The following TRIM2 variants were observed in gnomAD, a reference collection of about 807,000 sequenced individuals.
TRIM2 encodes tripartite motif-containing protein 2.
A neutral mutation model predicts 75.2 loss-of-function variants in TRIM2; 20 were observed. The ratio of observed to expected loss-of-function variants is 0.27; its 90% confidence interval spans 0.19 to 0.39. TRIM2 has a LOEUF of 0.39. TRIM2 is among the 10% of genes least tolerant of loss of function. The pLI is 1.00. For synonymous variants in TRIM2, 373 were observed against 388.3 expected, an observed-to-expected ratio of 0.96 and a Z score of 0.46; for missense variants, 660 against 990.8, an observed-to-expected ratio of 0.67 and a Z score of 4.48.
chr4:153,178,210 C>G (rs1406098580), intron 1 of TRIM2, among the ~76,000 whole-genome samples: 2 of 151,990 alleles, frequency 1.3e-5, no homozygotes, highest in Non-Finnish European at 2.9e-5. Context: ...TCAGGCTGGC[C>G]CTGTCTCGTA....
At chr4:153,307,841 C>G (rs1007282192) in intron 6 of TRIM2, 1 of 733,274 alleles carries the variant, frequency 1.4e-6, no homozygotes, top group African/African-American at 1.7e-5. Context: ...TATACTTTCT[C>G]TTGAATTCAG....
At chr4:153,206,591 C>T (rs1735501231) in intron 1 of TRIM2, among the ~76,000 whole-genome samples, 3 of 152,158 alleles carry the variant, frequency 2.0e-5, no homozygotes. Flanking sequence ...AGACCCGCTC[C>T]TTTGGGTTTT....
chr4:153,326,854 G>A lies in TRIM2; in HGVS notation c.2023-1676G>A, dbSNP rs149876908. The stretch of plus-strand genomic sequence containing the variant: ...AAATTAGCCGGGCGTGGTGGTGGGC[G>A]CCTGTAACCCCAGGCCCTCAGGAGG... On this transcript the variant is annotated intron_variant, in intron 10 of 11. Transcript: ENST00000338700. Among the ~76,000 whole-genome samples, 134 of 152,060 alleles carry A rather than the reference G, an allele frequency of 8.8e-4. 2 individuals are homozygous for A. The East Asian group carries it at 0.018, about 20-fold the overall frequency.
Position 153,337,263 on chromosome 4 carries a change from T to TTA in TRIM2, c.*2298_*2299insAT. On this transcript the variant is annotated 3_prime_UTR_variant, in exon 12 of 12. Transcript: ENST00000338700. ...GGCTGTTGATCTTAAAACTAGTTGATTTAAAGAGTTTTTTTGCACAACATT... is the reference window on the plus strand; with the variant it reads ...GGCTGTTGATCTTAAAACTAGTTGATTATTAAAGAGTTTTTTTGCACAACATT... 1.0e-6 allele frequency: 1 copy of TTA among 985,762 alleles called. No homozygotes were observed. Among genetic ancestry groups the TTA allele is most frequent in the Non-Finnish European group, 1.2e-6 (1 of 829,924 alleles). 61.1% of individuals were successfully genotyped at this position (985,762 alleles called of 1,614,324 possible).
rs562454030 is a variant in TRIM2 at position 153,218,750 on chromosome 4, C to T, written c.30+14190C>T. Among the ~76,000 whole-genome samples the T allele has an allele frequency of 2.0e-5, 3 of 152,216 alleles. No individual in the cohort carries two copies. The East Asian group carries it at 5.8e-4, about 29-fold the overall frequency. On this transcript the variant is annotated intron_variant, in intron 1 of 11. Transcript: ENST00000338700. ...GAGTTGTAGCCACTTGTATGTATGA[C>T]TTTCTTCCCAACTAGTAAGGGAGTT...
At chr4:153,328,000 T>A (rs1031699812) in intron 10 of TRIM2, among the ~76,000 whole-genome samples, 2 of 152,230 alleles carry the variant, frequency 1.3e-5, no homozygotes, top group Non-Finnish European at 1.5e-5. Context: ...ACACATGCAA[T>A]GAATTTCTCC....
At chr4:153,230,466 A>C (rs1743324811) in intron 1 of TRIM2, among the ~76,000 whole-genome samples, 1 of 152,220 alleles carries the variant, frequency 6.6e-6, no homozygotes, top group Non-Finnish European at 1.5e-5. Flanking sequence ...TACAGGCATG[A>C]GCCACTGCAC....
chr4:153,276,482 T>A (rs1758054424), intron 3 of TRIM2, among the ~76,000 whole-genome samples: 1 of 152,216 alleles, frequency 6.6e-6, no homozygotes, highest in Non-Finnish European at 1.5e-5. Context: ...TATTAAAATG[T>A]TAATTAGAGT....
Position 153,238,021 on chromosome 4 carries a change from G to C in TRIM2, c.31-32314G>C, listed in dbSNP as rs1419320106. 2.0e-5 allele frequency among the ~76,000 whole-genome samples: 3 copies of C among 152,094 alleles called. No individual in the cohort carries two copies. In the East Asian group the frequency reaches 5.8e-4, roughly 29 times the overall value. On this transcript the variant is annotated intron_variant, in intron 1 of 11. Coordinates refer to ENST00000338700, the MANE Select transcript of TRIM2 (RefSeq NM_015271.5). ...ACCTCAGGAGCCAGTTCTGAGTCCA[G>C]GTGAACCAAAGCTCAGTTTCTTTCA...
intron 1 of TRIM2, among the ~76,000 whole-genome samples, chr4:153,198,427 TTGCTG>T (rs1733990981): frequency 6.6e-6 from 1 of 152,202 alleles, no homozygotes; most frequent in East Asian, 1.9e-4. Flanking sequence ...TCATTCTCTC[TTGCTG>T]CCACCATGTA....
intron 1 of TRIM2, among the ~76,000 whole-genome samples, chr4:153,220,443 G>A (rs1033210257): frequency 3.3e-5 from 5 of 152,120 alleles, no homozygotes; most frequent in Admixed American, 3.3e-4. Context: ...TAAAAGAAAT[G>A]TATTAAAGAC....
intron 1 of TRIM2, among the ~76,000 whole-genome samples, chr4:153,207,003 C>A (rs1001618527): frequency 2.0e-5 from 3 of 152,150 alleles, no homozygotes; most frequent in African/African-American, 7.2e-5. Flanking sequence ...GATCCTCCCG[C>A]CTCAGCCTAC....
intron 11 of TRIM2, among the ~76,000 whole-genome samples, chr4:153,330,644 C>T (rs1054924576): frequency 2.0e-4 from 30 of 152,162 alleles, no homozygotes; most frequent in African/African-American, 7.0e-4. Context: ...TATCAATTGA[C>T]ACTGAAAAAT....
intron 1 of TRIM2, chr4:153,257,670 T>A (rs564721447): frequency 1.8e-6 from 2 of 1,134,228 alleles, no homozygotes; most frequent in Admixed American, 4.6e-5. Flanking sequence ...AGCAGAAACG[T>A]GCGTTGTTCT....
intron 6 of TRIM2, among the ~76,000 whole-genome samples, chr4:153,314,092 A>T (rs551581550): frequency 8.5e-5 from 13 of 152,202 alleles, no homozygotes; most frequent in Admixed American, 4.6e-4. Flanking sequence ...AATCATAAAA[A>T]CTTCTTTTAA....
rs1047623098 is a variant in TRIM2 at position 153,308,380 on chromosome 4, T to C, written c.1511-7105T>C. On this transcript the variant is annotated intron_variant, in intron 6 of 11. Coordinates refer to ENST00000338700, the MANE Select transcript of TRIM2 (RefSeq NM_015271.5). ...TTGGTTCTTGAGCAGATGATCTCAATGAGGGAGTCCTTGTTGGTTCCCAGC... is the reference window on the plus strand; with the variant it reads ...TTGGTTCTTGAGCAGATGATCTCAACGAGGGAGTCCTTGTTGGTTCCCAGC... The C allele has an allele frequency of 2.8e-5, 27 of 957,254 alleles. No homozygotes were observed. In the Admixed American group the frequency reaches 4.1e-4, roughly 14 times the overall value. 59.3% of individuals were successfully genotyped at this position (957,254 alleles called of 1,614,324 possible). A position where few individuals can be genotyped will look rare whatever the true frequency, so the allele number is the denominator to read the frequency against.
intron 1 of TRIM2, among the ~76,000 whole-genome samples, chr4:153,160,032 A>G (rs1015296409): frequency 3.9e-5 from 6 of 152,216 alleles, no homozygotes; most frequent in Non-Finnish European, 8.8e-5. Context: ...TTTGGTGATG[A>G]GTAATGTTTC....
intron 3 of TRIM2, among the ~76,000 whole-genome samples, chr4:153,282,155 G>A (rs1029632482): frequency 2.6e-5 from 4 of 152,148 alleles, no homozygotes; most frequent in South Asian, 2.1e-4. Flanking sequence ...ACCCCAGGCC[G>A]CACCAGCATC....
chr4:153,201,984 A>G (rs1426230679), upstream of TRIM2, among the ~76,000 whole-genome samples: 1 of 152,254 alleles, frequency 6.6e-6, no homozygotes, highest in East Asian at 1.9e-4. Flanking sequence ...TGGATGTAAC[A>G]GCTCTTTTGA....
Sources: gnomAD v4.1 joint callset for allele counts (sites outside exome capture counted in the v4.1 genomes callset) on GRCh38, gnomAD v4.1.1 for gene constraint, MANE v1.5 for transcripts, NCBI Gene and HGNC (gene_info 2026-07-23, HGNC 2026-07-21) for gene names.